The following POLK variants were observed in gnomAD, a reference collection of about 807,000 sequenced individuals.
POLK encodes the protein polymerase (DNA directed) kappa.
In POLK, 76 loss-of-function variants were observed where a neutral mutation model predicts 94.0. The observed-to-expected ratio is 0.81, with a 90% CI of 0.67 to 0.98. The LOEUF (loss-of-function observed/expected upper bound fraction) is 0.98. Among genes scored for constraint, POLK ranks in the 50% least tolerant of loss-of-function variants. The pLI is 0.00. For synonymous variants in POLK, 349 were observed against 325.4 expected, an observed-to-expected ratio of 1.07 and a Z score of -0.78; for missense variants, 954 against 1,010.1, an observed-to-expected ratio of 0.94 and a Z score of 0.75.
At chr5:75,563,757 G>T (rs534137553) in intron 3 of POLK, among the ~76,000 whole-genome samples, 14 of 152,318 alleles carry the variant, frequency 9.2e-5, no homozygotes, top group South Asian at 2.1e-4. Context: ...GCTGTGGTCT[G>T]AGAGACTGTT....
intron 3 of POLK, among the ~76,000 whole-genome samples, chr5:75,565,836 T>C (rs555461799): frequency 6.6e-6 from 1 of 152,150 alleles, no homozygotes; most frequent in Non-Finnish European, 1.5e-5. Flanking sequence ...TCAGGAGGCA[T>C]TGGGGTCAGG....
downstream of POLK, among the ~76,000 whole-genome samples, chr5:75,604,501 A>G (rs964958216): frequency 1.3e-5 from 2 of 152,184 alleles, no homozygotes; most frequent in African/African-American, 4.8e-5. Flanking sequence ...CAGCTTCCCA[A>G]GTAGCTGGGA....
intron 1 of POLK, among the ~76,000 whole-genome samples, chr5:75,539,460 C>T (rs563625497): frequency 2.6e-5 from 4 of 152,190 alleles, no homozygotes; most frequent in African/African-American, 7.2e-5. Flanking sequence ...TGGTAACAAT[C>T]GCAATGTATG....
chr5:75,570,289 A>G (rs975439423), intron 4 of POLK, among the ~76,000 whole-genome samples: 13 of 152,224 alleles, frequency 8.5e-5, no homozygotes, highest in African/African-American at 3.1e-4. Flanking sequence ...AAATTTTTCC[A>G]TAAGTAACCG....
intron 3 of POLK, among the ~76,000 whole-genome samples, chr5:75,559,388 T>C (rs1170472280): frequency 6.6e-6 from 1 of 152,140 alleles, no homozygotes; most frequent in Non-Finnish European, 1.5e-5. Context: ...GACAAATTGT[T>C]GTATAAGAAC....
intron 1 of POLK, among the ~76,000 whole-genome samples, chr5:75,530,396 C>CTTTTTTTTTTTTTTTTTT (rs201266079): frequency 1.1e-4 from 7 of 61,626 alleles, no homozygotes; most frequent in African/African-American, 2.0e-4. Context: ...TTCCCTTTTT[C>CTTTTTTTTTTTTTTTTTT]TTTTTTTTTT....
chr5:75,565,147 A>G (rs1771201524), intron 3 of POLK, among the ~76,000 whole-genome samples: 1 of 152,060 alleles, frequency 6.6e-6, no homozygotes, highest in African/African-American at 2.4e-5. Context: ...AGTCTCTGAT[A>G]TCCTTTCTTC....
At chr5:75,548,037 C>T (rs1007261689) in intron 2 of POLK, among the ~76,000 whole-genome samples, 1 of 152,140 alleles carries the variant, frequency 6.6e-6, no homozygotes, top group Admixed American at 6.5e-5. Flanking sequence ...GTTCCTCCCA[C>T]CTCAGACTTT....
At chr5:75,545,675 A>G (rs1265405574) in intron 1 of POLK, among the ~76,000 whole-genome samples, 1 of 151,620 alleles carries the variant, frequency 6.6e-6, no homozygotes, top group East Asian at 1.9e-4. Context: ...TTTTTTCTGT[A>G]TTTTTTCATT....
intron 11 of POLK, 92 bp downstream of exon 11, chr5:75,590,532 A>G (rs760376845): frequency 1.1e-5 from 8 of 756,858 alleles, no homozygotes; most frequent in South Asian, 2.9e-5. Context: ...ACATTTCTTA[A>G]AGATGAATAC....
intron 3 of POLK, among the ~76,000 whole-genome samples, chr5:75,559,528 T>G (rs56370857): frequency 3.9e-3 from 450 of 116,024 alleles, no homozygotes; most frequent in African/African-American, 9.1e-3. Flanking sequence ...GTTTTGTTTT[T>G]TTTTTTTTTT....
intron 11 of POLK, among the ~76,000 whole-genome samples, chr5:75,592,315 A>C (rs781528578): frequency 1.3e-5 from 2 of 152,216 alleles, no homozygotes; most frequent in Non-Finnish European, 2.9e-5. Context: ...TTTTAGAAAG[A>C]TTTTTTTCCT....
chr5:75,564,265 T>G (rs1581031632), intron 3 of POLK, among the ~76,000 whole-genome samples: 1 of 152,074 alleles, frequency 6.6e-6, no homozygotes, highest in Non-Finnish European at 1.5e-5. Context: ...CTTTCTTTCC[T>G]TTCTTTTTTG....
chr5:75,534,483 C>T (rs1158472054), intron 1 of POLK, among the ~76,000 whole-genome samples: 1 of 151,866 alleles, frequency 6.6e-6, no homozygotes, highest in African/African-American at 2.4e-5. Flanking sequence ...TATTGTAATC[C>T]TTAGATTTCT....
rs139934154 is a variant in POLK at position 75,569,802 on chromosome 5, C to T, written c.408+310C>T. Among the ~76,000 whole-genome samples, 21 of 152,202 alleles carry T rather than the reference C, an allele frequency of 1.4e-4. No homozygotes were observed. In the South Asian group the frequency reaches 3.1e-3, roughly 23 times the overall value. On this transcript the variant is annotated intron_variant, in intron 4 of 14. Transcript: ENST00000241436. ...CACTTCCCATCACTTGCAGTATGCC[C>T]GAGCTCTGTCAGATCAGTTGTGGCA...
At chr5:75,569,657 G>A (rs1771481583) in intron 4 of POLK, among the ~76,000 whole-genome samples, 165 bp downstream of exon 4, 1 of 152,110 alleles carries the variant, frequency 6.6e-6, no homozygotes, top group Admixed American at 6.5e-5. Context: ...ATACTTTAAG[G>A]CAGGGGACCC....
chr5:75,511,616 C>T, upstream of POLK: 4 of 1,475,342 alleles, frequency 2.7e-6, no homozygotes, highest in Non-Finnish European at 2.7e-6. Context: ...ATCTTCCTGC[C>T]TGGCCCACTA....
At chr5:75,581,220 A>G in exon 7 of POLK, 7 of 1,600,182 alleles carry the variant, frequency 4.4e-6, no homozygotes, top group South Asian at 1.1e-5. Flanking sequence ...TAATCCAGGA[A>G]AGGAAGTTAA....
At chr5:75,544,329 C>G (rs1769900041) in intron 1 of POLK, among the ~76,000 whole-genome samples, 1 of 152,086 alleles carries the variant, frequency 6.6e-6, no homozygotes. Flanking sequence ...CAAGTCCAGC[C>G]TGGGCAACCC....
Sources: gnomAD v4.1 joint callset for allele counts (sites outside exome capture counted in the v4.1 genomes callset) on GRCh38, gnomAD v4.1.1 for gene constraint, MANE v1.5 for transcripts, NCBI Gene and HGNC (gene_info 2026-07-23, HGNC 2026-07-21) for gene names.